LGSN: variants seen among roughly 807,000 people sequenced by gnomAD.
LGSN encodes lengsin, lens protein with glutamine synthetase domain, also known as lengsin.
LGSN carries 21 observed loss-of-function variants against 19.5 expected under a neutral mutation model. The observed-to-expected ratio is 1.07, with a 90% CI of 0.76 to 1.55. LGSN has a LOEUF of 1.55. LGSN is among the 40% of genes most tolerant of loss of function. The pLI is 0.00. For missense variants in LGSN, 673 were observed against 608.5 expected (o/e 1.11, Z -1.12); for synonymous variants, 257 against 215.6 (o/e 1.19, Z -1.68).
At chr6:63,573,546 G>A in the LGSN span, 1 of 152,242 alleles carries the variant, frequency 6.6e-6, no homozygotes, top group Non-Finnish European at 1.5e-5. Flanking sequence ...CCGCGTGCGC[G>A]GGGCGGCGGC....
intron 3 of LGSN, among the ~76,000 whole-genome samples, chr6:63,284,337 T>C (rs893735987): frequency 2.0e-5 from 3 of 152,202 alleles, no homozygotes; most frequent in Non-Finnish European, 4.4e-5. Context: ...GTGTTTTTTG[T>C]ATGTGGGATA....
At chr6:63,337,292 G>A in the LGSN span, among the ~76,000 whole-genome samples, 1 of 151,810 alleles carries the variant, frequency 6.6e-6, no homozygotes, top group Admixed American at 6.6e-5. Flanking sequence ...GCAAAACCCT[G>A]TCTCTACTGA....
At chr6:63,406,889 T>C in the LGSN span, among the ~76,000 whole-genome samples, 1 of 152,156 alleles carries the variant, frequency 6.6e-6, no homozygotes, top group Non-Finnish European at 1.5e-5. Flanking sequence ...CATCAGAGAA[T>C]ACTACAAACA....
chr6:63,387,284 C>A, the LGSN span, among the ~76,000 whole-genome samples: 15 of 152,064 alleles, frequency 9.9e-5, no homozygotes, highest in South Asian at 2.7e-3. Flanking sequence ...AACCATAGAT[C>A]AAAAATATTC....
chr6:63,472,556 A>G, the LGSN span, among the ~76,000 whole-genome samples: 2 of 152,164 alleles, frequency 1.3e-5, no homozygotes, highest in Non-Finnish European at 1.5e-5. Flanking sequence ...CTAGTGCAAT[A>G]CTACATAGAT....
At chr6:63,456,791 A>G in the LGSN span, among the ~76,000 whole-genome samples, 1 of 152,216 alleles carries the variant, frequency 6.6e-6, no homozygotes, top group South Asian at 2.1e-4. Context: ...CCTTCATCAA[A>G]GCAGAGAAGG....
intron 1 of LGSN, among the ~76,000 whole-genome samples, chr6:63,301,850 G>A (rs9448823): frequency 6.6e-6 from 1 of 151,988 alleles, no homozygotes; most frequent in Non-Finnish European, 1.5e-5. Context: ...CAACGAATAA[G>A]GATTTTTGCT....
the LGSN span, among the ~76,000 whole-genome samples, chr6:63,361,959 G>C: frequency 6.6e-6 from 1 of 152,182 alleles, no homozygotes; most frequent in Non-Finnish European, 1.5e-5. Flanking sequence ...AGGCACACTT[G>C]TAGCTCCTGA....
chr6:63,288,634 A>G (rs1044644828), intron 2 of LGSN, among the ~76,000 whole-genome samples: 2 of 152,218 alleles, frequency 1.3e-5, no homozygotes, highest in Non-Finnish European at 2.9e-5. Context: ...TGCCCCAGAC[A>G]GGCGGCTTAC....
chr6:63,479,750 A>G, the LGSN span, among the ~76,000 whole-genome samples: 2 of 151,908 alleles, frequency 1.3e-5, no homozygotes, highest in African/African-American at 4.8e-5. Context: ...AAACAAACAA[A>G]CAAACAAACA....
At chr6:63,372,785 G>C in the LGSN span, among the ~76,000 whole-genome samples, 1 of 151,620 alleles carries the variant, frequency 6.6e-6, no homozygotes, top group African/African-American at 2.4e-5. Flanking sequence ...TAATAAAAAA[G>C]AAAAAAACAA....
At chr6:63,505,621 GAAAGAAAGAAAGAAATTCTGGC>G in the LGSN span, among the ~76,000 whole-genome samples, 3 of 97,856 alleles carry the variant, frequency 3.1e-5, 1 homozygote, top group Non-Finnish European at 6.5e-5. Context: ...AAGAAAGAAA[GAAAGAAAGAAAGAAATTCTGGC>G]ATTCTTTTTT....
At chr6:63,422,928 G>C in the LGSN span, among the ~76,000 whole-genome samples, 9 of 152,284 alleles carry the variant, frequency 5.9e-5, no homozygotes, top group Admixed American at 2.0e-4. Flanking sequence ...GATTGGCATA[G>C]TGGATTAAGA....
chr6:63,292,406 G>T (rs1436530130), intron 2 of LGSN, among the ~76,000 whole-genome samples: 2 of 152,178 alleles, frequency 1.3e-5, no homozygotes, highest in Non-Finnish European at 2.9e-5. Context: ...CTTTGCCCTT[G>T]GTCCCTGGGA....
At chr6:63,367,083 G>A in the LGSN span, among the ~76,000 whole-genome samples, 7 of 152,186 alleles carry the variant, frequency 4.6e-5, no homozygotes, top group Admixed American at 2.6e-4. Context: ...AGCCAAAATT[G>A]ACAAATAGGA....
the LGSN span, among the ~76,000 whole-genome samples, chr6:63,415,166 A>T: frequency 5.3e-5 from 8 of 151,334 alleles, no homozygotes; most frequent in Non-Finnish European, 7.4e-5. Context: ...TGTCTGTAAT[A>T]AAAATACAAC....
At chr6:63,436,742 G>T in the LGSN span, among the ~76,000 whole-genome samples, 1 of 152,138 alleles carries the variant, frequency 6.6e-6, no homozygotes, top group African/African-American at 2.4e-5. Context: ...AGAAAAGAAA[G>T]ATATTCTTAG....
chr6:63,296,774 C>T (rs1168937391), intron 1 of LGSN, among the ~76,000 whole-genome samples: 1 of 152,010 alleles, frequency 6.6e-6, no homozygotes, highest in Non-Finnish European at 1.5e-5. Context: ...CATGGTACCC[C>T]TTAAGTTAAT....
At chr6:63,292,631 C>G (rs1751908191) in intron 2 of LGSN, among the ~76,000 whole-genome samples, 2 of 152,216 alleles carry the variant, frequency 1.3e-5, no homozygotes, top group South Asian at 4.1e-4. Flanking sequence ...CACCAAGACT[C>G]AAGTGAGCTT....
Sources: allele counts gnomAD v4.1 joint callset (sites outside exome capture counted in the v4.1 genomes callset), GRCh38; gene constraint gnomAD v4.1.1; transcripts MANE v1.5; gene names NCBI Gene and HGNC (gene_info 2026-07-23, HGNC 2026-07-21).